Variants in MCAM observed in about 807,000 individuals in gnomAD.
MCAM encodes cell surface glycoprotein MUC18.
MCAM carries 55 observed loss-of-function variants against 79.1 expected under a neutral mutation model. That is an observed-to-expected ratio of 0.70 (90% CI 0.56 to 0.87). The LOEUF is 0.87. MCAM is among the 40% of genes least tolerant of loss of function. MCAM has a pLI of 0.00. For missense variants in MCAM, 745 were observed against 839.8 expected (o/e 0.89, Z 1.40); for synonymous variants, 330 against 339.8 (o/e 0.97, Z 0.32).
intron 5 of MCAM, chr11:119,314,233 G>A: frequency 2.0e-6 from 1 of 498,428 alleles, no homozygotes; most frequent in African/African-American, 1.9e-5. Flanking sequence ...CTAGCTCACT[G>A]CAGCCTTCAT....
intron 14 of MCAM, 100 bp from the exon 15 acceptor site, chr11:119,310,566 A>T: frequency 9.2e-7 from 1 of 1,088,402 alleles, no homozygotes; most frequent in Non-Finnish European, 1.4e-6. Flanking sequence ...TCCTTGCTCC[A>T]GGGCCAGCCC....
In MCAM at chr11:119,310,388, C is replaced by T; in HGVS notation, c.1872G>A (p.Leu624=). Reference sequence around the variant, plus strand: ...CCCTCTTGTCACCGCTGCTGCCCTGCAGGAGGCCCATCTCTTCTGGGAGCT... The same window carrying T: ...CCCTCTTGTCACCGCTGCTGCCCTGTAGGAGGCCCATCTCTTCTGGGAGCT... ...SDKLPEEMGL[L]QGSSGDKRAP... is the part of the protein sequence containing the mutation. The change falls in exon 15 of 16, where the codon CTG becomes CTA. Residue 624 remains leucine (L), a synonymous_variant. Transcript: ENST00000264036. The T allele has an allele frequency of 6.2e-7, 1 of 1,614,080 alleles. No homozygotes were observed. The highest frequency in any genetic ancestry group is 8.5e-7 in the Non-Finnish European group (1 of 1,179,986).
chr11:119,313,976 T>C lies in MCAM; in HGVS notation c.559+513A>G, dbSNP rs79620466. On this transcript the variant is annotated intron_variant, in intron 5 of 15. Coordinates refer to ENST00000264036, the MANE Select transcript of MCAM (RefSeq NM_006500.3). Reference sequence around the variant, plus strand: ...TATGAGCAAATACATAGAAATAGGCTTGAAAGAACACACCCTGATAGCAGA... The same window carrying C: ...TATGAGCAAATACATAGAAATAGGCCTGAAAGAACACACCCTGATAGCAGA... The C allele has an allele frequency of 1.2e-3, 1,156 of 971,206 alleles. 16 individuals carry two copies. The African/African-American group carries it at 0.019, about 16-fold the overall frequency. 60.2% of individuals were successfully genotyped at this position (971,206 alleles called of 1,614,324 possible).
rs1376331531 is a variant in MCAM at position 119,314,529 on chromosome 11, G to C, written c.519C>G (p.Ile173Met). The change falls in exon 5 of 16, where the codon ATC becomes ATG. Residue 173 changes from isoleucine (I) to methionine (M), a missense_variant. Ile to Met is a conservative substitution (Grantham distance 10). Transcript: ENST00000264036. ...GRNGYPIPQV[I>M]WYKNGRPLKE... ...TCAGAGGCCGGCCATTCTTGTACCA[G>C]ATGACTTGAGGAATGGGGTACCCGT... The C allele has an allele frequency of 2.5e-6, 4 of 1,613,748 alleles. No individual in the cohort carries two copies. Among genetic ancestry groups the C allele is most frequent in the African/African-American group, 1.3e-5 (1 of 74,876 alleles).
In MCAM at chr11:119,312,624, TC is replaced by T; in HGVS notation, c.763del (p.Glu255LysfsTer8). ...CTTCAGCATTCCCACGGGCTCCACT[TC>T]CAGCCACACTTTTTCTGTCGGGTCT... ...VFYPTEKVWL[E>X]VEPVGMLKEG... On this transcript the variant is annotated frameshift_variant, in exon 7 of 16. Coordinates refer to ENST00000264036, the MANE Select transcript of MCAM (RefSeq NM_006500.3). LOFTEE classifies it high-confidence loss of function. The surrounding 1 kb of genome is among the most constrained non-coding windows in gnomAD (Gnocchi z 4.9). 6.2e-7 allele frequency: 1 copy of T among 1,614,070 alleles called. No individual in the cohort carries two copies. Among genetic ancestry groups the T allele is most frequent in the Non-Finnish European group, 8.5e-7 (1 of 1,180,018 alleles).
In MCAM at chr11:119,311,598, C is replaced by G. The variant is rs756506896; in HGVS notation, c.1339G>C (p.Val447Leu). 10 of 1,614,134 alleles carry G rather than the reference C, an allele frequency of 6.2e-6. No homozygotes were observed. The East Asian group carries it at 2.2e-4, about 36-fold the overall frequency. The change falls in exon 11 of 16, where the codon GTG (valine) becomes CTG (leucine). Residue 447 changes from valine to leucine, a missense_variant. Coordinates refer to ENST00000264036, the MANE Select transcript of MCAM (RefSeq NM_006500.3). The surrounding 1 kb of genome is among the most constrained non-coding windows in gnomAD (Gnocchi z 4.4). Reference protein sequence around the residue: ...ERKVWVKENMVLNLSCEASGH... With the variant: ...ERKVWVKENMLLNLSCEASGH... ...GACGCTTCACAAGACAGATTCAACACCATATTCTCTTTCACCCACACCTTC... is the reference window on the plus strand; with the variant it reads ...GACGCTTCACAAGACAGATTCAACAGCATATTCTCTTTCACCCACACCTTC...
rs762237348 is a variant in MCAM, at chr11:119,311,902, C to T, written c.1191G>A (p.Leu397=). ...ERGPVLQLHD[L]KREAGGGYRC... is the part of the protein sequence containing the mutation. ...GATAGCCGCCTCCTGCCTCCCGTTT[C>T]AGGTCATGCAACTGAAGCACAGGCC... Residue 397 remains leucine (L), a synonymous_variant, in exon 10 of 16, where the codon CTG becomes CTA. Transcript: ENST00000264036. This position sits in a 1 kb window ranked among gnomAD's most constrained non-coding sequence, Gnocchi z 4.4. 1.9e-6 allele frequency: 3 copies of T among 1,614,094 alleles called. No individual in the cohort carries two copies. The Admixed American group carries it at 5.0e-5, about 27-fold the overall frequency.
intron 5 of MCAM, chr11:119,314,186 C>T (rs926074256): frequency 3.0e-5 from 14 of 464,044 alleles, no homozygotes; most frequent in South Asian, 1.8e-4. Context: ...GATGGGGTCT[C>T]GCTCTGTCAC....
rs745476500 is a variant in MCAM, at chr11:119,311,608, T to C, written c.1329A>G (p.Lys443=). 5.6e-6 allele frequency: 9 copies of C among 1,614,046 alleles called. No individual in the cohort carries two copies. Among genetic ancestry groups the C allele is most frequent in the Non-Finnish European group, 6.8e-6 (8 of 1,179,968 alleles). ...AAGACAGATTCAACACCATATTCTC[T>C]TTCACCCACACCTTCCTCTCCTTGA... ...MAFKERKVWV[K]ENMVLNLSCE... is the part of the protein sequence containing the mutation. Residue 443 remains lysine, a synonymous_variant, in exon 11 of 16, where the codon AAA becomes AAG. Transcript: ENST00000264036. This position sits in a 1 kb window ranked among gnomAD's most constrained non-coding sequence, Gnocchi z 4.4.
At position 119,315,412 on chromosome 11, in the gene MCAM, C is replaced by A; in HGVS notation, c.68-149G>T. The A allele has an allele frequency of 1.0e-6, 1 of 1,001,114 alleles. No individual in the cohort carries two copies. The highest frequency in any genetic ancestry group is 1.6e-5 in the South Asian group (1 of 61,384). 62.0% of individuals were successfully genotyped at this position (1,001,114 alleles called of 1,614,324 possible). ...CTGAACGCTCTACCCCCACCCCGAC[C>A]CGCGCCCCACCTGGGCCAGCCCTCT... On this transcript the variant is annotated intron_variant, in intron 1 of 15. Coordinates refer to ENST00000264036, the MANE Select transcript of MCAM (RefSeq NM_006500.3). This position sits in a 1 kb window ranked among gnomAD's most constrained non-coding sequence, Gnocchi z 4.4.
In MCAM at chr11:119,312,704, G is replaced by C. The variant is rs1471933833; in HGVS notation, c.740-56C>G. ...CATGAGTCAACCCTGGGCTGGATAA[G>C]GGGGAGCCAGCAGGAGTTTCCAGCA... On this transcript the variant is annotated intron_variant, in intron 6 of 15. Coordinates refer to ENST00000264036, the MANE Select transcript of MCAM (RefSeq NM_006500.3). This position sits in a 1 kb window ranked among gnomAD's most constrained non-coding sequence, Gnocchi z 4.9. 2 of 1,613,558 alleles carry C rather than the reference G, an allele frequency of 1.2e-6. No individual in the cohort carries two copies. The highest frequency in any genetic ancestry group is 2.2e-5 in the East Asian group (1 of 44,878).
chr11:119,309,679 ATGG>A lies in MCAM; in HGVS notation c.*204_*206del. 1 of 559,440 alleles carries A rather than the reference ATGG, an allele frequency of 1.8e-6. No individual in the cohort carries two copies. The highest frequency in any genetic ancestry group is 3.2e-6 in the Non-Finnish European group (1 of 311,408). 34.7% of individuals were successfully genotyped at this position (559,440 alleles called of 1,614,324 possible). A position where few individuals can be genotyped will look rare whatever the true frequency, so the allele number is the denominator to read the frequency against. ...ATGAGCTTCACTCAACGTGGAGGAG[ATGG>A]TGGTGGACTGGTCCCTGAAAAGCGG... On this transcript the variant is annotated 3_prime_UTR_variant, in exon 16 of 16. Coordinates refer to ENST00000264036, the MANE Select transcript of MCAM (RefSeq NM_006500.3).
chr11:119,315,278 C>A lies in MCAM; in HGVS notation c.68-15G>T, dbSNP rs778141461. On this transcript the variant is annotated splice_polypyrimidine_tract_variant and intron_variant, in intron 1 of 15. Transcript: ENST00000264036. This position sits in a 1 kb window ranked among gnomAD's most constrained non-coding sequence, Gnocchi z 4.4. The stretch of plus-strand genomic sequence containing the variant: ...TCCGGGCACACCTGGGGGAGGGAGG[C>A]GGGGCCCCCGCAGCTGTGTCAGCTC... 1.1e-5 allele frequency: 18 copies of A among 1,602,106 alleles called. No individual in the cohort carries two copies. Among genetic ancestry groups the A allele is most frequent in the Non-Finnish European group, 1.5e-5 (18 of 1,177,838 alleles).
chr11:119,310,283 G>T (rs1034523201), intron 15 of MCAM, 66 bp downstream of exon 15: 1 of 1,042,312 alleles, frequency 9.6e-7, no homozygotes. Context: ...AGAGAGAACC[G>T]TTAGTCCCTA....
At position 119,309,430 on chromosome 11, in the gene MCAM, C is replaced by T. The variant is rs543216815; in HGVS notation, c.*456G>A. 14 of 188,996 alleles carry T rather than the reference C, an allele frequency of 7.4e-5. No individual in the cohort carries two copies. The highest frequency in any genetic ancestry group is 2.7e-4 in the Admixed American group (5 of 18,750). 11.7% of individuals were successfully genotyped at this position (188,996 alleles called of 1,614,324 possible). A position where few individuals can be genotyped will look rare whatever the true frequency, so the allele number is the denominator to read the frequency against. On this transcript the variant is annotated 3_prime_UTR_variant, in exon 16 of 16. Coordinates refer to ENST00000264036, the MANE Select transcript of MCAM (RefSeq NM_006500.3). ...TGCTCTCCGGAGCGGGTGTGAACAG[C>T]GCACTTCAACATGAGCAGGCGCCTG...
At chr11:119,314,348 G>A in intron 5 of MCAM, 141 bp downstream of exon 5, 1 of 719,648 alleles carries the variant, frequency 1.4e-6, no homozygotes, top group Admixed American at 2.6e-5. Flanking sequence ...TAGAGACAGG[G>A]TCACCCTATG....
chr11:119,313,312 C>CCAGAAACATTG, intron 5 of MCAM: 1 of 1,320,768 alleles, frequency 7.6e-7, no homozygotes, highest in East Asian at 5.0e-5. Context: ...ATAGACTGAC[C>CCAGAAACATTG]CAGAAACATT....
rs1244104974 is a variant in MCAM at position 119,308,805 on chromosome 11, A to G, written c.*1081T>C. 6.6e-6 allele frequency: 1 copy of G among 152,026 alleles called. No homozygotes were observed. The highest frequency in any genetic ancestry group is 2.4e-5 in the African/African-American group (1 of 41,392). The allele number at this position is 152,026 out of a possible 1,614,324, so 9.4% of individuals were successfully genotyped here. On this transcript the variant is annotated 3_prime_UTR_variant, in exon 16 of 16. Coordinates refer to ENST00000264036, the MANE Select transcript of MCAM (RefSeq NM_006500.3). ...TGGTGCTAATATAACCATAGCTTTA[A>G]TCCCCATGAAGGACAGTGTAGACCT... is the stretch of plus-strand genomic sequence containing the variant.
Position 119,313,104 on chromosome 11 carries a change from A to G in MCAM, c.560-155T>C, listed in dbSNP as rs1276347241. Reference sequence around the variant, plus strand: ...ATGCAAGCTGGAAACCCTTCAACCCAGCACTTTTACTGCTCAGTGTCAACC... The same window carrying G: ...ATGCAAGCTGGAAACCCTTCAACCCGGCACTTTTACTGCTCAGTGTCAACC... On this transcript the variant is annotated intron_variant, in intron 5 of 15. Coordinates refer to ENST00000264036, the MANE Select transcript of MCAM (RefSeq NM_006500.3). The G allele has an allele frequency of 7.2e-6, 11 of 1,537,562 alleles. No individual in the cohort carries two copies. In the Admixed American group the frequency reaches 1.4e-4, roughly 19 times the overall value.
Sources: gnomAD v4.1 joint callset for allele counts on GRCh38, gnomAD v4.1.1 for gene constraint, Gnocchi (gnomAD v3.1) non-coding constraint, MANE v1.5 for transcripts, NCBI Gene and HGNC (gene_info 2026-07-23, HGNC 2026-07-21) for gene names.